PIEZO2: variants seen among roughly 807,000 people sequenced by gnomAD.
PIEZO2 encodes piezo type mechanosensitive ion channel component 2.
A neutral mutation model predicts 337.3 loss-of-function variants in PIEZO2; 172 were observed. The observed-to-expected ratio is 0.51, with a 90% CI of 0.45 to 0.58. PIEZO2 has a LOEUF of 0.58. Ranked by LOEUF, PIEZO2 falls within the 20% of genes least tolerant of loss-of-function variation. PIEZO2 has a pLI of 0.00. For missense variants in PIEZO2, 3,028 were observed against 3,391.3 expected (o/e 0.89, Z 2.66); for synonymous variants, 1,251 against 1,228.5 (o/e 1.02, Z -0.38).
intron 11 of PIEZO2, among the ~76,000 whole-genome samples, chr18:10,798,689 A>C (rs2039698161): frequency 6.6e-6 from 1 of 152,196 alleles, no homozygotes; most frequent in Non-Finnish European, 1.5e-5. Flanking sequence ...CGCAAAATTC[A>C]ATTTACTTGT....
chr18:10,858,438 T>C (rs1277643616), intron 5 of PIEZO2, among the ~76,000 whole-genome samples: 3 of 152,106 alleles, frequency 2.0e-5, no homozygotes, highest in African/African-American at 4.8e-5. Context: ...TGTGTGCATT[T>C]TTCTCTAGGC....
At chr18:10,696,789 C>T (rs557911620) in intron 45 of PIEZO2, among the ~76,000 whole-genome samples, 1 of 152,302 alleles carries the variant, frequency 6.6e-6, no homozygotes, top group South Asian at 2.1e-4. Flanking sequence ...TCTCCTCTTG[C>T]TTGAAGCATA....
In PIEZO2 at chr18:10,942,796, T is replaced by TC. The variant is rs2032797276; in HGVS notation, c.287-31569dup. Among the ~76,000 whole-genome samples the TC allele has an allele frequency of 6.6e-6, 1 of 152,126 alleles. No homozygotes were observed. The highest frequency in any genetic ancestry group is 6.5e-5 in the Admixed American group (1 of 15,284). Reference sequence around the variant, plus strand: ...TGTCAGAGTTCTTCATGGCAGCCCCTCCCATCACAAGCCTGAAGGCCTAGG... The same window carrying TC: ...TGTCAGAGTTCTTCATGGCAGCCCCTCCCCATCACAAGCCTGAAGGCCTAGG... On this transcript the variant is annotated intron_variant, in intron 3 of 55. Coordinates refer to ENST00000674853, the MANE Select transcript of PIEZO2 (RefSeq NM_001378183.1). The surrounding 1 kb of genome is among the most constrained non-coding windows in gnomAD (Gnocchi z 4.4).
At chr18:10,792,921 T>C (rs763749129) in intron 13 of PIEZO2, among the ~76,000 whole-genome samples, 2 of 152,214 alleles carry the variant, frequency 1.3e-5, no homozygotes, top group Non-Finnish European at 2.9e-5. Flanking sequence ...AACTTCTCCA[T>C]GTCCTCAGTA....
intron 33 of PIEZO2, 78 bp from the exon 34 acceptor site, chr18:10,736,788 A>G: frequency 7.0e-7 from 1 of 1,424,474 alleles, no homozygotes; most frequent in East Asian, 2.5e-5. Context: ...AATGTCCCCT[A>G]AAGATACACA....
chr18:11,098,244 TACACACAC>T (rs150739388), intron 1 of PIEZO2, among the ~76,000 whole-genome samples: 19 of 145,742 alleles, frequency 1.3e-4, no homozygotes, highest in East Asian at 1.2e-3. Context: ...AGAAGCAAGA[TACACACAC>T]ACACACACAC....
intron 8 of PIEZO2, among the ~76,000 whole-genome samples, chr18:10,804,461 A>G (rs569744634): frequency 2.7e-4 from 41 of 152,378 alleles, no homozygotes; most frequent in Admixed American, 2.6e-3. Context: ...ATTTGCCTAA[A>G]TTAGACAACT....
At chr18:10,691,663 A>T (rs555288518) in intron 47 of PIEZO2, among the ~76,000 whole-genome samples, 50 of 151,404 alleles carry the variant, frequency 3.3e-4, no homozygotes, top group Middle Eastern at 3.4e-3. Flanking sequence ...TTACTGATAA[A>T]TATTTTCTCA....
In PIEZO2 at chr18:10,856,559, G is replaced by A. The variant is rs2041710630; in HGVS notation, c.703+442C>T. Among the ~76,000 whole-genome samples, 1 of 152,114 alleles carries A rather than the reference G, an allele frequency of 6.6e-6. No homozygotes were observed. Among genetic ancestry groups the A allele is most frequent in the African/African-American group, 2.4e-5 (1 of 41,428 alleles). On this transcript the variant is annotated intron_variant, in intron 6 of 55. Coordinates refer to ENST00000674853, the MANE Select transcript of PIEZO2 (RefSeq NM_001378183.1). This position sits in a 1 kb window ranked among gnomAD's most constrained non-coding sequence, Gnocchi z 4.7. ...GCTGGAAGATTACAATCTAACTTAG[G>A]AAGAAAAATAGTCTATCCTGGAGAG...
At chr18:11,034,492 G>A (rs534664614) in intron 2 of PIEZO2, among the ~76,000 whole-genome samples, 4 of 151,960 alleles carry the variant, frequency 2.6e-5, no homozygotes, top group East Asian at 2.0e-4. Flanking sequence ...ATGGGGTTTC[G>A]CCGTGTTAGC....
chr18:10,762,385 C>A (rs2038171005), intron 23 of PIEZO2, 115 bp downstream of exon 23: 2 of 1,296,684 alleles, frequency 1.5e-6, no homozygotes, highest in Non-Finnish European at 2.1e-6. Context: ...ATGCCAAATC[C>A]CACATGAGAA....
At position 10,942,447 on chromosome 18, in the gene PIEZO2, CTT is replaced by C. The variant is rs1312219798; in HGVS notation, c.287-31221_287-31220del. Among the ~76,000 whole-genome samples, 2 of 152,282 alleles carry C rather than the reference CTT, an allele frequency of 1.3e-5. No individual in the cohort carries two copies. The highest frequency in any genetic ancestry group is 4.8e-5 in the African/African-American group (2 of 41,574). On this transcript the variant is annotated intron_variant, in intron 3 of 55. Coordinates refer to ENST00000674853, the MANE Select transcript of PIEZO2 (RefSeq NM_001378183.1). This position sits in a 1 kb window ranked among gnomAD's most constrained non-coding sequence, Gnocchi z 4.4. ...GTTGGGAAATGGAGCAAACACAACT[CTT>C]GTTATGTTTTAGCAAAGCGACTGGC...
At position 10,748,341 on chromosome 18, in the gene PIEZO2, T is replaced by C. The variant is rs1374170249; in HGVS notation, c.4424+130A>G. 2 of 874,072 alleles carry C rather than the reference T, an allele frequency of 2.3e-6. No homozygotes were observed. The highest frequency in any genetic ancestry group is 1.7e-5 in the African/African-American group (1 of 58,404). 54.1% of individuals were successfully genotyped at this position (874,072 alleles called of 1,614,324 possible). Reference sequence around the variant, plus strand: ...GGCCTTGTGCTAAATTCTTCTTGGATTGGTTTTGCTGGAAGGGATTTCTTA... The same window carrying C: ...GGCCTTGTGCTAAATTCTTCTTGGACTGGTTTTGCTGGAAGGGATTTCTTA... On this transcript the variant is annotated intron_variant, in intron 30 of 55. Coordinates refer to ENST00000674853, the MANE Select transcript of PIEZO2 (RefSeq NM_001378183.1). This position sits in a 1 kb window ranked among gnomAD's most constrained non-coding sequence, Gnocchi z 5.1.
intron 35 of PIEZO2, among the ~76,000 whole-genome samples, chr18:10,734,295 G>A (rs2036907262): frequency 6.6e-6 from 1 of 152,228 alleles, no homozygotes. Context: ...CATTTTAAAA[G>A]CAGAAGGAAC....
rs1454720246 is a variant in PIEZO2 at position 10,673,488 on chromosome 18, A to C, written c.8162-615T>G. The stretch of plus-strand genomic sequence containing the variant: ...ATAACTTCTGAGCTGAGATTCGCCA[A>C]GTGAGAACTTCAATAGGTGAAGGTG... On this transcript the variant is annotated intron_variant, in intron 54 of 55. Transcript: ENST00000674853. The surrounding 1 kb of genome is among the most constrained non-coding windows in gnomAD (Gnocchi z 4.8). Among the ~76,000 whole-genome samples, 1 of 152,190 alleles carries C rather than the reference A, an allele frequency of 6.6e-6. No homozygotes were observed. Among genetic ancestry groups the C allele is most frequent in the Non-Finnish European group, 1.5e-5 (1 of 68,040 alleles).
intron 1 of PIEZO2, among the ~76,000 whole-genome samples, chr18:11,100,762 A>AT (rs1325577246): frequency 1.3e-5 from 2 of 151,884 alleles, no homozygotes; most frequent in Non-Finnish European, 2.9e-5. Context: ...CGCCTGGCTA[A>AT]TTTTTTGTAT....
At position 11,096,281 on chromosome 18, in the gene PIEZO2, A is replaced by C. The variant is rs1383359753; in HGVS notation, c.65-30059T>G. On this transcript the variant is annotated intron_variant, in intron 1 of 55. Transcript: ENST00000674853. This position sits in a 1 kb window ranked among gnomAD's most constrained non-coding sequence, Gnocchi z 4.6. ...TCCACCCAATGGAACCTGCTGGCCC[A>C]AGCATTAGGGGCCATGTCCTGCTAC... 6.6e-6 allele frequency among the ~76,000 whole-genome samples: 1 copy of C among 152,222 alleles called. No individual in the cohort carries two copies. Among genetic ancestry groups the C allele is most frequent in the East Asian group, 1.9e-4 (1 of 5,200 alleles).
In PIEZO2 at chr18:10,772,696, C is replaced by G. The variant is rs2178101; in HGVS notation, c.2785+716G>C. On this transcript the variant is annotated intron_variant, in intron 20 of 55. Transcript: ENST00000674853. ...AACCTCACCCCAGAGATGATGCTCTCTGGTTTGTCCCAGTCTTTCTGGAAA... is the reference window on the plus strand; with the variant it reads ...AACCTCACCCCAGAGATGATGCTCTGTGGTTTGTCCCAGTCTTTCTGGAAA... Among the ~76,000 whole-genome samples, 555 of 152,306 alleles carry G rather than the reference C, an allele frequency of 3.6e-3. 1 individual carries two copies. The highest frequency in any genetic ancestry group is 0.013 in the African/African-American group (525 of 41,570).
intron 1 of PIEZO2, among the ~76,000 whole-genome samples, chr18:11,085,278 A>G (rs973780633): frequency 4.6e-5 from 7 of 152,048 alleles, no homozygotes; most frequent in Non-Finnish European, 8.8e-5. Flanking sequence ...AACCCCAGCT[A>G]CCTGGCCCCA....
Sources: allele counts gnomAD v4.1 joint callset (sites outside exome capture counted in the v4.1 genomes callset), GRCh38; gene constraint gnomAD v4.1.1; non-coding constraint Gnocchi (gnomAD v3.1); transcripts MANE v1.5; gene names NCBI Gene and HGNC (gene_info 2026-07-23, HGNC 2026-07-21).